TTC34: variants seen among roughly 807,000 people sequenced by gnomAD.
TTC34 encodes the protein tetratricopeptide repeat domain 34.
A neutral mutation model predicts 40.7 loss-of-function variants in TTC34; 44 were observed. The observed-to-expected ratio is 1.08, with a 90% CI of 0.85 to 1.39. The LOEUF (loss-of-function observed/expected upper bound fraction) is 1.39, where lower values mean the gene tolerates loss of function less well. TTC34 is among the 40% of genes most tolerant of loss of function. TTC34 has a pLI of 0.00. For missense variants in TTC34, 884 were observed against 838.0 expected (o/e 1.05, Z -0.68); for synonymous variants, 422 against 398.6 (o/e 1.06, Z -0.70).
intron 2 of TTC34, among the ~76,000 whole-genome samples, chr1:2,797,311 C>CTGGGGGGCAGG (rs761900936): frequency 6.6e-6 from 1 of 152,092 alleles, no homozygotes; most frequent in African/African-American, 2.4e-5. Context: ...GGGATGGGGG[C>CTGGGGGGCAGG]TGGGGCACGA....
chr1:2,699,478 G>A (rs1350965844), intron 6 of TTC34, among the ~76,000 whole-genome samples: 1 of 128,824 alleles, frequency 7.8e-6, no homozygotes, highest in Non-Finnish European at 1.8e-5. Context: ...CTGACAGCCT[G>A]GAGCAGCACC....
chr1:2,772,971 T>C (rs994542438), intron 6 of TTC34, among the ~76,000 whole-genome samples: 736 of 9,226 alleles, frequency 0.08, no homozygotes, highest in African/African-American at 0.14. Flanking sequence ...TGGAGCAGCA[T>C]GCACACCCCC....
intron 6 of TTC34, among the ~76,000 whole-genome samples, chr1:2,777,240 C>G (rs1643239563): frequency 8.6e-6 from 1 of 116,250 alleles, no homozygotes; most frequent in Non-Finnish European, 1.8e-5. Flanking sequence ...CATCCTGGAA[C>G]AGCACCCCAC....
intron 6 of TTC34, among the ~76,000 whole-genome samples, chr1:2,660,353 C>CTG (rs1639501732): frequency 4.3e-5 from 6 of 138,666 alleles, no homozygotes; most frequent in Non-Finnish European, 9.9e-5. Flanking sequence ...AACCACACTC[C>CTG]CAGGCGAGCA....
At chr1:2,756,055 G>A (rs1414501124) in intron 6 of TTC34, among the ~76,000 whole-genome samples, 9 of 83,638 alleles carry the variant, frequency 1.1e-4, no homozygotes, top group African/African-American at 6.9e-4. Flanking sequence ...ACCTGGAACA[G>A]CACCCATACG....
At chr1:2,801,356 C>G (rs1055805812) in intron 1 of TTC34, among the ~76,000 whole-genome samples, 2 of 152,080 alleles carry the variant, frequency 1.3e-5, no homozygotes, top group African/African-American at 4.8e-5. Flanking sequence ...GAGGGGGGCG[C>G]CGAGAGCACC....
chr1:2,801,407 G>T (rs1397542071), intron 1 of TTC34, among the ~76,000 whole-genome samples, 170 bp downstream of exon 1: 2 of 152,106 alleles, frequency 1.3e-5, no homozygotes, highest in East Asian at 3.9e-4. Flanking sequence ...CAGCCCATGG[G>T]TGGGGGGGTT....
chr1:2,779,627 G>A (rs1270195652), intron 6 of TTC34, among the ~76,000 whole-genome samples: 1 of 152,140 alleles, frequency 6.6e-6, no homozygotes, highest in Non-Finnish European at 1.5e-5. Context: ...CCAGCTGGTA[G>A]TTCTATTTTT....
At chr1:2,641,654 C>T (rs188794158) in exon 9 of TTC34, 89 of 1,535,204 alleles carry the variant, frequency 5.8e-5, no homozygotes, top group Admixed American at 2.2e-4. Context: ...CAGCAGCAGG[C>T]GACCCTGACG....
chr1:2,799,639 G>A (rs1473329766), intron 2 of TTC34, among the ~76,000 whole-genome samples: 2 of 152,004 alleles, frequency 1.3e-5, no homozygotes, highest in Non-Finnish European at 2.9e-5. Flanking sequence ...GGAGGATCTA[G>A]CCCCACAGCT....
exon 9 of TTC34, chr1:2,641,890 C>T (rs1638915287): frequency 5.4e-6 from 8 of 1,480,948 alleles, no homozygotes; most frequent in East Asian, 2.5e-5. Context: ...CTTCCTGGGC[C>T]GCCGCCTGCA....
chr1:2,687,400 C>A, intron 6 of TTC34, among the ~76,000 whole-genome samples: 1 of 151,804 alleles, frequency 6.6e-6, no homozygotes, highest in African/African-American at 2.4e-5. Flanking sequence ...GGAACGGCAC[C>A]CACACCCCCA....
At chr1:2,656,019 C>CTA (rs1246295307) in intron 6 of TTC34, among the ~76,000 whole-genome samples, 22 of 30,686 alleles carry the variant, frequency 7.2e-4, no homozygotes, top group South Asian at 1.5e-3. Context: ...CCACACCTCC[C>CTA]GGCGAGCATC....
chr1:2,653,282 C>CGGAGG (rs1639212653), intron 6 of TTC34, among the ~76,000 whole-genome samples: 1 of 148,826 alleles, frequency 6.7e-6, no homozygotes, highest in Non-Finnish European at 1.5e-5. Flanking sequence ...GAACAGCACC[C>CGGAGG]TGCACCCCCA....
chr1:2,799,108 A>AGCCTCCCG (rs1220112817), intron 2 of TTC34, among the ~76,000 whole-genome samples: 1 of 142,840 alleles, frequency 7.0e-6, no homozygotes, highest in Non-Finnish European at 1.5e-5. Flanking sequence ...CCAGCCTCTC[A>AGCCTCCCG]GCCTCCCGGC....
exon 3 of TTC34, chr1:2,789,776 C>G (rs1165942546): frequency 1.2e-5 from 7 of 565,358 alleles, no homozygotes; most frequent in African/African-American, 2.0e-5. Flanking sequence ...CGCGCGCACA[C>G]AGCCCCCCGG....
intron 6 of TTC34, among the ~76,000 whole-genome samples, chr1:2,653,318 G>C (rs1461323966): frequency 2.7e-5 from 4 of 149,772 alleles, no homozygotes; most frequent in African/African-American, 7.3e-5. Context: ...GCCTGGAACA[G>C]CACACACACC....
chr1:2,747,933 C>T (rs1641205855), intron 6 of TTC34, among the ~76,000 whole-genome samples: 1 of 78,066 alleles, frequency 1.3e-5, no homozygotes, highest in Admixed American at 1.1e-4. Flanking sequence ...AGGTGAGCAT[C>T]TGACATCGTG....
chr1:2,695,406 GCATCTGATC>G (rs1640816918), intron 6 of TTC34, among the ~76,000 whole-genome samples: 1 of 76,372 alleles, frequency 1.3e-5, no homozygotes, highest in Non-Finnish European at 2.7e-5. Flanking sequence ...CCCCAGGTGA[GCATCTGATC>G]GCATGGAATG....
Sources: allele counts gnomAD v4.1 joint callset (sites outside exome capture counted in the v4.1 genomes callset), GRCh38; gene constraint gnomAD v4.1.1; transcripts MANE v1.5; gene names NCBI Gene and HGNC (gene_info 2026-07-23, HGNC 2026-07-21).